PEBP4: variants seen among roughly 807,000 people sequenced by gnomAD.
PEBP4 encodes the protein phosphatidylethanolamine binding protein 4, also known as phosphatidylethanolamine-binding protein 4.
In PEBP4, 22 loss-of-function variants were observed where a neutral mutation model predicts 23.9. The ratio of observed to expected loss-of-function variants is 0.92; its 90% CI spans 0.66 to 1.31. The LOEUF is 1.31. PEBP4 is among the 40% of genes most tolerant of loss of function. PEBP4 has a pLI of 0.00. For synonymous variants in PEBP4, 112 were observed against 99.3 expected (o/e 1.13, Z -0.76); for missense variants, 324 against 281.7 (o/e 1.15, Z -1.07).
At chr8:22,760,595 G>C (rs553291358) in intron 4 of PEBP4, among the ~76,000 whole-genome samples, 2 of 152,016 alleles carry the variant, frequency 1.3e-5, no homozygotes, top group African/African-American at 4.8e-5. Flanking sequence ...AGTGGACAAC[G>C]TGTGTGTGTG....
intron 6 of PEBP4, among the ~76,000 whole-genome samples, chr8:22,721,894 G>A (rs942071225): frequency 2.0e-5 from 3 of 152,154 alleles, no homozygotes; most frequent in African/African-American, 7.2e-5. Flanking sequence ...ACCAGGCCCT[G>A]AGTGTTTCAA....
At chr8:22,917,144 A>G (rs1012504852) in intron 3 of PEBP4, among the ~76,000 whole-genome samples, 14 of 151,760 alleles carry the variant, frequency 9.2e-5, no homozygotes, top group Admixed American at 6.6e-4. Context: ...GGGTGTTCCC[A>G]GGCATGTCCA....
At chr8:22,827,759 C>A (rs1807003176) in intron 3 of PEBP4, among the ~76,000 whole-genome samples, 1 of 152,234 alleles carries the variant, frequency 6.6e-6, no homozygotes, top group South Asian at 2.1e-4. Context: ...TAGAGTGGAA[C>A]TGCTGGGTCA....
intron 3 of PEBP4, among the ~76,000 whole-genome samples, chr8:22,917,146 GC>G (rs1309955990): frequency 1.3e-5 from 2 of 151,822 alleles, no homozygotes; most frequent in African/African-American, 4.8e-5. Context: ...GTGTTCCCAG[GC>G]ATGTCCAATG....
At chr8:22,785,977 T>C (rs1410450477) in intron 4 of PEBP4, among the ~76,000 whole-genome samples, 1 of 152,298 alleles carries the variant, frequency 6.6e-6, no homozygotes, top group East Asian at 1.9e-4. Flanking sequence ...TTCTCGAACG[T>C]CAAGTAGGGT....
intron 3 of PEBP4, among the ~76,000 whole-genome samples, chr8:22,856,047 C>CAAAA (rs34409506): frequency 5.5e-5 from 5 of 91,620 alleles, no homozygotes; most frequent in Middle Eastern, 6.5e-3. Flanking sequence ...GACCCTGTCT[C>CAAAA]AAAAAAAAAA....
chr8:22,907,186 C>T (rs28386798), intron 3 of PEBP4, among the ~76,000 whole-genome samples: 71 of 152,270 alleles, frequency 4.7e-4, no homozygotes, highest in African/African-American at 1.5e-3. Flanking sequence ...AGGCTGGGCA[C>T]GACAGCTCAT....
intron 4 of PEBP4, among the ~76,000 whole-genome samples, chr8:22,788,313 AAAG>A (rs1806068896): frequency 6.6e-6 from 1 of 152,100 alleles, no homozygotes; most frequent in Admixed American, 6.5e-5. Flanking sequence ...CCAGGGGGAC[AAAG>A]AAGGAGCAGG....
rs1374102882 is a variant in PEBP4 at position 22,923,481 on chromosome 8, C to T, written c.132-3171G>A. ...ATATGGGAGGCTGAGGTGGGAGGAT[C>T]GCTTGAGTCTGGGAGGTCAAGGTTG... On this transcript the variant is annotated intron_variant, in intron 2 of 6. Transcript: ENST00000256404. 4.6e-5 allele frequency among the ~76,000 whole-genome samples: 7 copies of T among 152,004 alleles called. No homozygotes were observed. In the East Asian group the frequency reaches 7.7e-4, roughly 17 times the overall value.
At chr8:22,795,207 G>A (rs531691716) in intron 4 of PEBP4, among the ~76,000 whole-genome samples, 63 of 108,386 alleles carry the variant, frequency 5.8e-4, no homozygotes, top group Non-Finnish European at 9.4e-4. Context: ...ATGGAGTCTC[G>A]CTCTGTCATC....
chr8:22,746,752 G>A (rs928904617), intron 4 of PEBP4, among the ~76,000 whole-genome samples: 1 of 152,154 alleles, frequency 6.6e-6, no homozygotes, highest in Non-Finnish European at 1.5e-5. Context: ...CCAGATCGGT[G>A]CTGTCCAGTG....
At chr8:22,790,602 G>A (rs1271810395) in intron 4 of PEBP4, among the ~76,000 whole-genome samples, 1 of 152,086 alleles carries the variant, frequency 6.6e-6, no homozygotes, top group African/African-American at 2.4e-5. Context: ...TGGGGTGGAG[G>A]GGGAAATAAA....
chr8:22,841,271 G>A (rs67183551), intron 3 of PEBP4, among the ~76,000 whole-genome samples: 25,512 of 152,278 alleles, frequency 0.17, 2,429 homozygotes, highest in Middle Eastern at 0.24. Flanking sequence ...GCCCTTTGAG[G>A]GGGTGGAAGC....
intron 3 of PEBP4, among the ~76,000 whole-genome samples, chr8:22,868,989 C>T (rs934809604): frequency 1.1e-4 from 16 of 152,206 alleles, no homozygotes; most frequent in African/African-American, 3.6e-4. Flanking sequence ...ACAGGATCTG[C>T]AGATACCACC....
chr8:22,771,926 A>G (rs1444371998), intron 4 of PEBP4, among the ~76,000 whole-genome samples: 2 of 152,246 alleles, frequency 1.3e-5, no homozygotes, highest in African/African-American at 2.4e-5. Flanking sequence ...CACAGTGCCT[A>G]TGGGGTAGCC....
At chr8:22,724,380 C>T (rs1804581346) in intron 6 of PEBP4, among the ~76,000 whole-genome samples, 1 of 152,196 alleles carries the variant, frequency 6.6e-6, no homozygotes, top group Non-Finnish European at 1.5e-5. Context: ...ACATCTTCCC[C>T]TCATCACTGA....
upstream of PEBP4, among the ~76,000 whole-genome samples, chr8:22,928,678 G>A (rs955847862): frequency 2.6e-5 from 4 of 152,124 alleles, no homozygotes; most frequent in Admixed American, 1.3e-4. Context: ...TCTCAGAGGC[G>A]GGGGTGGGAG....
At chr8:22,795,384 C>T (rs903557730) in intron 4 of PEBP4, among the ~76,000 whole-genome samples, 2 of 151,432 alleles carry the variant, frequency 1.3e-5, no homozygotes, top group African/African-American at 2.4e-5. Flanking sequence ...ACCGTGTTAG[C>T]CAGGATGGTC....
At chr8:22,769,869 G>A (rs897600551) in intron 4 of PEBP4, among the ~76,000 whole-genome samples, 21 of 151,980 alleles carry the variant, frequency 1.4e-4, no homozygotes, top group African/African-American at 4.4e-4. Context: ...CCTTCCTCCC[G>A]CCATTGCTGC....
Sources: allele counts gnomAD v4.1 joint callset (sites outside exome capture counted in the v4.1 genomes callset), GRCh38; gene constraint gnomAD v4.1.1; transcripts MANE v1.5; gene names NCBI Gene and HGNC (gene_info 2026-07-23, HGNC 2026-07-21).